The following GASK1B variants were observed in gnomAD, a reference collection of about 807,000 sequenced individuals.
GASK1B encodes golgi associated kinase 1B.
In GASK1B, 34 loss-of-function variants were observed where a neutral mutation model predicts 42.8. That is an observed-to-expected ratio of 0.79 (90% CI 0.60 to 1.06). The LOEUF is 1.06. GASK1B is among the 50% of genes least tolerant of loss of function. The pLI is 0.00. For missense variants in GASK1B, 686 were observed against 661.0 expected, an observed-to-expected ratio of 1.04 and a Z score of -0.42; for synonymous variants, 262 against 259.1, an observed-to-expected ratio of 1.01 and a Z score of -0.11.
At chr4:158,161,441 A>T (rs936891215) in intron 2 of GASK1B, among the ~76,000 whole-genome samples, 1 of 152,122 alleles carries the variant, frequency 6.6e-6, no homozygotes, top group African/African-American at 2.4e-5. Context: ...CTTCCTCAGG[A>T]GTTAGCTAAG....
chr4:158,154,269 G>A (rs891185864), intron 3 of GASK1B, among the ~76,000 whole-genome samples: 7 of 151,764 alleles, frequency 4.6e-5, no homozygotes, highest in African/African-American at 1.7e-4. Flanking sequence ...ATGAAAAAAT[G>A]TTCAACATCA....
At chr4:158,157,934 C>T (rs1003507185) in intron 2 of GASK1B, among the ~76,000 whole-genome samples, 1 of 151,872 alleles carries the variant, frequency 6.6e-6, no homozygotes, top group African/African-American at 2.4e-5. Flanking sequence ...TCACCTATAA[C>T]CTCATCTCCC....
chr4:158,172,813 T>C (rs1732616011), intron 1 of GASK1B, 55 bp downstream of exon 1: 1 of 151,896 alleles, frequency 6.6e-6, no homozygotes, highest in African/African-American at 2.4e-5. Flanking sequence ...ACCCCTCGAG[T>C]GTCCATCCCA....
At chr4:158,168,616 A>T (rs1205931949) in intron 2 of GASK1B, 2 of 152,220 alleles carry the variant, frequency 1.3e-5, no homozygotes, top group African/African-American at 2.4e-5. Flanking sequence ...AAACTGAGGC[A>T]TAAAGAGACA....
chr4:158,150,419 C>T (rs556910500), intron 3 of GASK1B, among the ~76,000 whole-genome samples: 1 of 152,100 alleles, frequency 6.6e-6, no homozygotes, highest in African/African-American at 2.4e-5. Context: ...CATAAACACA[C>T]TATCTGAAGC....
In GASK1B at chr4:158,138,109, G is replaced by A. The variant is rs148339264; in HGVS notation, c.1126-7097C>T. Among the ~76,000 whole-genome samples, 747 of 152,192 alleles carry A rather than the reference G, an allele frequency of 4.9e-3. 8 individuals carry two copies. Among genetic ancestry groups the A allele is most frequent in the African/African-American group, 0.017 (705 of 41,526 alleles). On this transcript the variant is annotated intron_variant, in intron 3 of 4. Coordinates refer to ENST00000585682, the MANE Select transcript of GASK1B (RefSeq NM_001128424.2). ...TACGTATAAGTAAAAGTATTCTAAGGTTATTATACATTTGGATCGATTTCT... is the reference window on the plus strand; with the variant it reads ...TACGTATAAGTAAAAGTATTCTAAGATTATTATACATTTGGATCGATTTCT...
At chr4:158,170,118 G>A in intron 2 of GASK1B, 1 of 987,678 alleles carries the variant, frequency 1.0e-6, no homozygotes, top group South Asian at 1.7e-5. Context: ...CTGTCAGCAA[G>A]TTCTTTGCCT....
At chr4:158,138,368 T>G (rs1414543718) in intron 3 of GASK1B, among the ~76,000 whole-genome samples, 1 of 152,148 alleles carries the variant, frequency 6.6e-6, no homozygotes, top group Non-Finnish European at 1.5e-5. Flanking sequence ...AAAAAAAAAT[T>G]TTTGCATTTT....
chr4:158,130,653 C>T, intron 4 of GASK1B, 133 bp downstream of exon 4: 1 of 749,244 alleles, frequency 1.3e-6, no homozygotes, highest in South Asian at 1.9e-5. Flanking sequence ...TCTTGGGTCT[C>T]CATTCCCAGA....
At chr4:158,153,506 C>T (rs1028587129) in intron 3 of GASK1B, among the ~76,000 whole-genome samples, 6 of 152,026 alleles carry the variant, frequency 3.9e-5, no homozygotes, top group African/African-American at 7.2e-5. Context: ...AAAAAAGACT[C>T]CTAAAATTCA....
intron 3 of GASK1B, among the ~76,000 whole-genome samples, chr4:158,149,335 T>C (rs766250925): frequency 1.3e-5 from 2 of 152,226 alleles, no homozygotes; most frequent in Non-Finnish European, 2.9e-5. Flanking sequence ...TTTGCTACCA[T>C]TGTGGTTGTT....
chr4:158,143,531 G>A (rs1429595810), intron 3 of GASK1B, among the ~76,000 whole-genome samples: 1 of 152,068 alleles, frequency 6.6e-6, no homozygotes, highest in Non-Finnish European at 1.5e-5. Context: ...ATCTACATTG[G>A]AAAAAGTCTG....
Position 158,171,607 on chromosome 4 carries a change from T to C in GASK1B, c.-224-8A>G. Reference sequence around the variant, plus strand: ...GAGAAATGCGGCTTGTTTCTGGGAATGAATGGATACAGAGTTAACTGAGTC... The same window carrying C: ...GAGAAATGCGGCTTGTTTCTGGGAACGAATGGATACAGAGTTAACTGAGTC... On this transcript the variant is annotated splice_polypyrimidine_tract_variant and splice_region_variant and intron_variant, in intron 1 of 4. Coordinates refer to ENST00000585682, the MANE Select transcript of GASK1B (RefSeq NM_001128424.2). The C allele has an allele frequency of 2.3e-6, 1 of 426,204 alleles. No homozygotes were observed. The allele number at this position is 426,204 out of a possible 1,614,324, so 26.4% of individuals were successfully genotyped here. A position where few individuals can be genotyped will look rare whatever the true frequency, so the allele number is the denominator to read the frequency against.
intron 3 of GASK1B, among the ~76,000 whole-genome samples, chr4:158,144,395 T>C (rs893045856): frequency 1.3e-5 from 2 of 152,234 alleles, no homozygotes; most frequent in African/African-American, 4.8e-5. Flanking sequence ...TGTGTCTAAG[T>C]CAGACTTTTG....
At chr4:158,133,376 G>A (rs990953264) in intron 3 of GASK1B, among the ~76,000 whole-genome samples, 5 of 151,992 alleles carry the variant, frequency 3.3e-5, no homozygotes, top group African/African-American at 7.2e-5. Flanking sequence ...AATATAACCC[G>A]TAAAGAAAAT....
At position 158,153,307 on chromosome 4, in the gene GASK1B, A is replaced by T. The variant is rs184592624; in HGVS notation, c.1125+2304T>A. 8.5e-5 allele frequency among the ~76,000 whole-genome samples: 13 copies of T among 152,360 alleles called. No individual in the cohort carries two copies. In the East Asian group the frequency reaches 1.9e-3, roughly 23 times the overall value. On this transcript the variant is annotated intron_variant, in intron 3 of 4. Coordinates refer to ENST00000585682, the MANE Select transcript of GASK1B (RefSeq NM_001128424.2). ...ATATGCTTAACCAAGTAGGTAAAAG[A>T]TCTTTACAAGGAAAACTACAAAACA...
In GASK1B at chr4:158,130,869, C is replaced by G. The variant is rs1013017407; in HGVS notation, c.1269G>C (p.Arg423Ser). 6 of 1,613,914 alleles carry G rather than the reference C, an allele frequency of 3.7e-6. No homozygotes were observed. In the East Asian group the frequency reaches 1.1e-4, roughly 30 times the overall value. Residue 423 changes from arginine (R) to serine (S), a missense_variant, in exon 4 of 5, where the codon AGG (arginine) becomes AGC (serine). Physicochemically the swap from Arg to Ser is moderately radical, Grantham distance 110. Transcript: ENST00000585682. ...CCTTGTTGTCTATAAAAACCAAATG[C>G]CTTGGGTCATGCTTTCGCTGGATAA... ...AHIIQRKHDP[R>S]HLVFIDNKGF...
intron 3 of GASK1B, among the ~76,000 whole-genome samples, chr4:158,147,482 T>C (rs1455462746): frequency 2.0e-5 from 3 of 151,880 alleles, no homozygotes; most frequent in Admixed American, 1.3e-4. Context: ...TGCATACCCA[T>C]AGTCCCAGCT....
At chr4:158,159,949 T>C (rs1034413480) in intron 2 of GASK1B, among the ~76,000 whole-genome samples, 8 of 152,138 alleles carry the variant, frequency 5.3e-5, no homozygotes, top group African/African-American at 1.9e-4. Context: ...GCTAAGCATG[T>C]TGGGTGGAGC....
Sources: gnomAD v4.1 joint callset for allele counts (sites outside exome capture counted in the v4.1 genomes callset) on GRCh38, gnomAD v4.1.1 for gene constraint, MANE v1.5 for transcripts, NCBI Gene and HGNC (gene_info 2026-07-23, HGNC 2026-07-21) for gene names.